Variants in CCNY observed in about 807,000 individuals in gnomAD.
The protein encoded by CCNY is cyclin-Y.
CCNY carries 19 observed loss-of-function variants against 42.8 expected under a neutral mutation model. The ratio of observed to expected loss-of-function variants is 0.44; its 90% CI spans 0.31 to 0.65. CCNY has a LOEUF of 0.65. Ranked by LOEUF, CCNY falls within the 30% of genes least tolerant of loss-of-function variation. The pLI is 0.07. For synonymous variants in CCNY, 165 were observed against 162.7 expected, an observed-to-expected ratio of 1.01 and a Z score of -0.11; for missense variants, 370 against 437.3, an observed-to-expected ratio of 0.85 and a Z score of 1.37.
At chr10:35,380,749 C>T (rs1372778787) in intron 1 of CCNY, among the ~76,000 whole-genome samples, 4 of 152,186 alleles carry the variant, frequency 2.6e-5, no homozygotes, top group African/African-American at 9.7e-5. Flanking sequence ...TCCCAGTCCG[C>T]AGCCAGCCGC....
intron 1 of CCNY, among the ~76,000 whole-genome samples, chr10:35,405,881 T>C (rs1335378889): frequency 1.3e-5 from 2 of 152,182 alleles, no homozygotes; most frequent in Non-Finnish European, 2.9e-5. Flanking sequence ...GGACACGGTT[T>C]AGGAGGAATC....
At chr10:35,429,351 A>G (rs563222572) in intron 1 of CCNY, among the ~76,000 whole-genome samples, 1 of 152,354 alleles carries the variant, frequency 6.6e-6, no homozygotes, top group Admixed American at 6.5e-5. Context: ...TGAACTTACT[A>G]TTGTTATCTT....
chr10:35,405,295 A>C (rs899818948), intron 1 of CCNY, among the ~76,000 whole-genome samples: 3 of 152,090 alleles, frequency 2.0e-5, no homozygotes, highest in Non-Finnish European at 4.4e-5. Context: ...TTAGGTTTTA[A>C]TGGGATGGTA....
intron 1 of CCNY, among the ~76,000 whole-genome samples, chr10:35,396,499 T>C (rs1837530261): frequency 6.6e-6 from 1 of 152,190 alleles, no homozygotes; most frequent in Non-Finnish European, 1.5e-5. Flanking sequence ...TTATGCTGCC[T>C]CTCTGGTACT....
intron 1 of CCNY, among the ~76,000 whole-genome samples, chr10:35,355,739 TATTA>T: frequency 7.1e-6 from 1 of 141,080 alleles, no homozygotes; most frequent in East Asian, 2.1e-4. Flanking sequence ...AGGTTTTCTA[TATTA>T]ATTATTTAAA....
intron 5 of CCNY, among the ~76,000 whole-genome samples, chr10:35,528,173 G>C (rs1255916472): frequency 6.6e-6 from 1 of 152,122 alleles, no homozygotes; most frequent in African/African-American, 2.4e-5. Flanking sequence ...ATGCCTCATA[G>C]AGATTCAAGA....
At chr10:35,315,534 TC>T (rs1835749865) in intron 3 of CCNY, 1 of 152,250 alleles carries the variant, frequency 6.6e-6, no homozygotes, top group Non-Finnish European at 1.5e-5. Flanking sequence ...TTAGGTTGAT[TC>T]CATGTCTTTG....
intron 3 of CCNY, among the ~76,000 whole-genome samples, chr10:35,265,566 G>A (rs2095724335): frequency 6.6e-6 from 1 of 152,252 alleles, no homozygotes; most frequent in Admixed American, 6.5e-5. Flanking sequence ...TCTTGACCGT[G>A]CAGCCAGCGT....
rs752736629 is a variant in CCNY, at chr10:35,426,115, A to G, written c.155-57289A>G. ...CCCTTCACTGGTCCAGCACGCGCAC[A>G]CACACACACACACACACACACACAC... On this transcript the variant is annotated intron_variant, in intron 1 of 9. Coordinates refer to ENST00000374704, the MANE Select transcript of CCNY (RefSeq NM_145012.6). 7.7e-3 allele frequency among the ~76,000 whole-genome samples: 542 copies of G among 70,168 alleles called. 6 individuals are homozygous for G. Among genetic ancestry groups the G allele is most frequent in the African/African-American group, 0.024 (298 of 12,616 alleles). 46.0% of individuals were successfully genotyped at this position (70,168 alleles called of 152,430 possible).
chr10:35,555,827 A>G (rs1360706817), intron 8 of CCNY, among the ~76,000 whole-genome samples: 1 of 152,232 alleles, frequency 6.6e-6, no homozygotes, highest in Non-Finnish European at 1.5e-5. Context: ...TGTTTTGATA[A>G]TGATAGCCTT....
chr10:35,452,518 C>T (rs1246595180), intron 1 of CCNY, among the ~76,000 whole-genome samples: 2 of 152,114 alleles, frequency 1.3e-5, no homozygotes, highest in Non-Finnish European at 2.9e-5. Flanking sequence ...TAGAGTTAAC[C>T]TTTACTCGTG....
At chr10:35,558,396 T>C (rs1424602650) in intron 8 of CCNY, among the ~76,000 whole-genome samples, 2 of 152,224 alleles carry the variant, frequency 1.3e-5, no homozygotes, top group African/African-American at 4.8e-5. Flanking sequence ...ATCTCTTTCC[T>C]AATGCTGTGT....
chr10:35,300,318 C>G (rs1034867513), intron 3 of CCNY, among the ~76,000 whole-genome samples: 1 of 152,126 alleles, frequency 6.6e-6, no homozygotes, highest in East Asian at 1.9e-4. Context: ...TGAGATGCCA[C>G]GCCCTGCCTG....
chr10:35,302,726 T>C (rs551267436), intron 3 of CCNY, among the ~76,000 whole-genome samples: 1 of 152,216 alleles, frequency 6.6e-6, no homozygotes, highest in African/African-American at 2.4e-5. Context: ...TCAATCTACA[T>C]CATAGCCACT....
chr10:35,295,930 G>A (rs1449453323), intron 3 of CCNY, among the ~76,000 whole-genome samples: 1 of 151,932 alleles, frequency 6.6e-6, no homozygotes, highest in African/African-American at 2.4e-5. Context: ...ATGACTTTTG[G>A]GTAAATAATG....
At chr10:35,429,280 C>G (rs1197277968) in intron 1 of CCNY, among the ~76,000 whole-genome samples, 1 of 152,196 alleles carries the variant, frequency 6.6e-6, no homozygotes, top group South Asian at 2.1e-4. Flanking sequence ...ACAGCATCAT[C>G]TCACCAGTTT....
At chr10:35,376,099 A>G (rs1379893825) in intron 1 of CCNY, among the ~76,000 whole-genome samples, 1 of 152,168 alleles carries the variant, frequency 6.6e-6, no homozygotes, top group Admixed American at 6.5e-5. Context: ...TGATGACCTC[A>G]TACGGAAGGA....
At position 35,252,820 on chromosome 10, in the gene CCNY, G is replaced by C. The variant is rs373066654; in HGVS notation, c.-9+2194G>C. ...CAGTTTTGTATACAACCTCTGTTTC[G>C]TCTTGTAGTTTGAGTCTTAATTCAT... On this transcript the variant is annotated intron_variant, in intron 3 of 11. Transcript: ENST00000374706. 2.6e-5 allele frequency among the ~76,000 whole-genome samples: 4 copies of C among 152,168 alleles called. No individual in the cohort carries two copies. In the East Asian group the frequency reaches 7.7e-4, roughly 29 times the overall value.
intron 1 of CCNY, among the ~76,000 whole-genome samples, chr10:35,356,465 G>A (rs534342049): frequency 6.6e-6 from 1 of 152,246 alleles, no homozygotes; most frequent in South Asian, 2.1e-4. Flanking sequence ...ATGACTCCGC[G>A]TGGGGGTAGC....
Sources: allele counts gnomAD v4.1 joint callset (sites outside exome capture counted in the v4.1 genomes callset), GRCh38; gene constraint gnomAD v4.1.1; transcripts MANE v1.5; gene names NCBI Gene and HGNC (gene_info 2026-07-23, HGNC 2026-07-21).